HIVEP3: variants seen among roughly 807,000 people sequenced by gnomAD.
The protein encoded by HIVEP3 is HIVEP zinc finger 3, also known as transcription factor HIVEP3.
In HIVEP3, 49 loss-of-function variants were observed where a neutral mutation model predicts 152.8. The observed-to-expected ratio is 0.32, with a 90% CI of 0.26 to 0.41. HIVEP3 has a LOEUF of 0.41. HIVEP3 is among the 10% of genes least tolerant of loss of function. The pLI, the probability that HIVEP3 is intolerant of heterozygous loss-of-function variation, is 1.00. For missense variants in HIVEP3, 2,790 were observed against 3,103.3 expected (o/e 0.90, Z 2.40); for synonymous variants, 1,269 against 1,289.0 (o/e 0.98, Z 0.33).
Position 41,510,965 on chromosome 1 carries a change from C to T in HIVEP3, c.6707G>A (p.Arg2236Gln), listed in dbSNP as rs148918385. ...CCAGCGGCCTCGCTCCTGGGCCTCC[C>T]GGGCCCCTGTCAGGTCGCTGCCACC... is the stretch of plus-strand genomic sequence containing the variant. ...SGGGSDLTGA[R>Q]EAQERGRWSP... The change falls in exon 9 of 9, where the codon CGG becomes CAG. Residue 2236 changes from arginine (R) to glutamine (Q), a missense_variant. Coordinates refer to ENST00000372583, the MANE Select transcript of HIVEP3 (RefSeq NM_024503.5). 1.1e-4 allele frequency: 185 copies of T among 1,613,542 alleles called. No individual in the cohort carries two copies. The highest frequency in any genetic ancestry group is 1.5e-4 in the Admixed American group (9 of 60,016).
intron 1 of HIVEP3, among the ~76,000 whole-genome samples, chr1:41,955,455 A>C (rs1433088641): frequency 2.0e-5 from 3 of 152,188 alleles, no homozygotes; most frequent in Non-Finnish European, 4.4e-5. Context: ...GGAGGAAAGT[A>C]CTTTCACCAG....
At chr1:41,735,692 C>A (rs911220004) in intron 1 of HIVEP3, among the ~76,000 whole-genome samples, 1 of 152,166 alleles carries the variant, frequency 6.6e-6, no homozygotes, top group Non-Finnish European at 1.5e-5. Context: ...TTAAACCCTG[C>A]TCTCCTCCTC....
intron 1 of HIVEP3, among the ~76,000 whole-genome samples, chr1:41,986,552 T>C (rs568030459): frequency 1.7e-4 from 26 of 151,338 alleles, no homozygotes; most frequent in Admixed American, 1.6e-3. Context: ...ACCACTCTCC[T>C]GCCTCAGCCT....
intron 1 of HIVEP3, among the ~76,000 whole-genome samples, chr1:41,842,064 C>G (rs914205676): frequency 5.3e-5 from 8 of 151,878 alleles, no homozygotes. Flanking sequence ...CTGCACTCAG[C>G]CCGGGCAACA....
At chr1:41,724,218 T>C (rs917284523) in intron 1 of HIVEP3, among the ~76,000 whole-genome samples, 1 of 152,154 alleles carries the variant, frequency 6.6e-6, no homozygotes, top group African/African-American at 2.4e-5. Flanking sequence ...ACATAAACTC[T>C]AGGTTAAAAG....
chr1:41,929,724 TTTTATA>T lies in HIVEP3; in HGVS notation n.120-11206_120-11201del, dbSNP rs1295013544. 3.7e-3 allele frequency among the ~76,000 whole-genome samples: 114 copies of T among 30,592 alleles called. 6 individuals carry two copies. Among genetic ancestry groups the T allele is most frequent in the East Asian group, 0.012 (1 of 84 alleles). The allele number at this position is 30,592 out of a possible 152,430, so 20.1% of individuals were successfully genotyped here. ...TATGTGTGAGTGTGTGTATATGTGT[TTTTATA>T]TATATATATATATATATATATATGT... On this transcript the variant is annotated intron_variant and non_coding_transcript_variant, in intron 1 of 3. Transcript: ENST00000489103.
At chr1:41,953,810 G>A (rs1159376462) in intron 1 of HIVEP3, among the ~76,000 whole-genome samples, 1 of 152,242 alleles carries the variant, frequency 6.6e-6, no homozygotes, top group Non-Finnish European at 1.5e-5. Flanking sequence ...GGACAAAGAA[G>A]AGGAATACCA....
intron 1 of HIVEP3, among the ~76,000 whole-genome samples, chr1:41,938,489 T>A (rs1328889689): frequency 6.6e-6 from 1 of 152,170 alleles, no homozygotes; most frequent in African/African-American, 2.4e-5. Flanking sequence ...GGAAGGGAAC[T>A]AAGATAATTC....
chr1:41,735,267 G>GT (rs1438652553), intron 1 of HIVEP3, among the ~76,000 whole-genome samples: 1 of 152,178 alleles, frequency 6.6e-6, no homozygotes, highest in Non-Finnish European at 1.5e-5. Context: ...CTCTTCCTAC[G>GT]TAAGGGCACG....
At chr1:41,777,993 T>C (rs1236394766) in intron 1 of HIVEP3, among the ~76,000 whole-genome samples, 2 of 152,376 alleles carry the variant, frequency 1.3e-5, no homozygotes, top group East Asian at 3.9e-4. Flanking sequence ...GCGGGGGTTC[T>C]TGGCAGCAAC....
intron 2 of HIVEP3, among the ~76,000 whole-genome samples, chr1:41,648,005 C>A (rs576431640): frequency 6.6e-6 from 1 of 152,368 alleles, no homozygotes; most frequent in East Asian, 1.9e-4. Context: ...TGCTCAGTCT[C>A]CCTGCACCAG....
intron 3 of HIVEP3, among the ~76,000 whole-genome samples, chr1:41,588,596 G>T (rs1459161128): frequency 6.6e-6 from 1 of 152,028 alleles, no homozygotes; most frequent in East Asian, 1.9e-4. Flanking sequence ...GGCCAGCACT[G>T]CCTGCCCAGG....
chr1:41,990,700 T>A (rs949919438), intron 1 of HIVEP3, among the ~76,000 whole-genome samples: 1 of 151,330 alleles, frequency 6.6e-6, no homozygotes, highest in African/African-American at 2.4e-5. Context: ...GAATATATAT[T>A]TTTTTCAGCA....
intron 1 of HIVEP3, among the ~76,000 whole-genome samples, chr1:41,702,553 A>T (rs934033299): frequency 1.3e-5 from 2 of 152,224 alleles, no homozygotes; most frequent in South Asian, 4.1e-4. Flanking sequence ...ACTGATGTAC[A>T]TAAAACCTCA....
chr1:41,615,052 C>T (rs370433819), intron 3 of HIVEP3, among the ~76,000 whole-genome samples: 31 of 152,192 alleles, frequency 2.0e-4, no homozygotes, highest in African/African-American at 7.0e-4. Flanking sequence ...GTTTGGGAAA[C>T]GTTGTGCCAT....
intron 1 of HIVEP3, among the ~76,000 whole-genome samples, chr1:41,787,701 T>G (rs1486463383): frequency 1.4e-5 from 2 of 144,944 alleles, no homozygotes; most frequent in Admixed American, 6.6e-5. Context: ...AAAAAATTTT[T>G]TTTTTTTTTT....
intron 1 of HIVEP3, among the ~76,000 whole-genome samples, chr1:41,772,766 C>T (rs560925715): frequency 6.6e-5 from 10 of 152,204 alleles, no homozygotes; most frequent in East Asian, 3.9e-4. Flanking sequence ...AAAAATTACC[C>T]GGGTGTGGTG....
intron 5 of HIVEP3, among the ~76,000 whole-genome samples, chr1:41,555,249 A>G (rs1200659427): frequency 6.6e-6 from 1 of 152,204 alleles, no homozygotes; most frequent in Admixed American, 6.5e-5. Context: ...GGTTGATCTC[A>G]GACTGCTGCA....
intron 3 of HIVEP3, among the ~76,000 whole-genome samples, chr1:41,599,112 C>G (rs1644709861): frequency 6.6e-6 from 1 of 152,150 alleles, no homozygotes. Context: ...CCACCACACC[C>G]AGTCTCAGTC....
Sources: gnomAD v4.1 joint callset for allele counts (sites outside exome capture counted in the v4.1 genomes callset) on GRCh38, gnomAD v4.1.1 for gene constraint, MANE v1.5 for transcripts, NCBI Gene and HGNC (gene_info 2026-07-23, HGNC 2026-07-21) for gene names.